The following ESR1 variants were observed in gnomAD, a reference collection of about 807,000 sequenced individuals.
The protein encoded by ESR1 is estrogen receptor 1.
A neutral mutation model predicts 52.7 loss-of-function variants in ESR1; 12 were observed. That is an observed-to-expected ratio of 0.23 (90% confidence interval 0.15 to 0.37). The LOEUF (loss-of-function observed/expected upper bound fraction) is 0.37, where lower values mean the gene tolerates loss of function less well. ESR1 is among the 10% of genes least tolerant of loss of function. ESR1 has a pLI of 1.00. For missense variants in ESR1, 584 were observed against 779.7 expected (o/e 0.75, Z 2.99); for synonymous variants, 305 against 316.8 (o/e 0.96, Z 0.39).
At chr6:152,092,541 C>G (rs950691232) in intron 6 of ESR1, among the ~76,000 whole-genome samples, 1 of 152,094 alleles carries the variant, frequency 6.6e-6, no homozygotes, top group South Asian at 2.1e-4. Flanking sequence ...GCCTTTAGCT[C>G]TTGAAGGTGC....
chr6:151,774,008 T>G (rs1219749994), intron 2 of ESR1, among the ~76,000 whole-genome samples: 1 of 137,690 alleles, frequency 7.3e-6, no homozygotes, highest in Non-Finnish European at 1.5e-5. Flanking sequence ...TGGGACATGA[T>G]GCTTTGCATG....
At chr6:152,026,844 GT>G (rs772194355) in intron 5 of ESR1, among the ~76,000 whole-genome samples, 3 of 152,020 alleles carry the variant, frequency 2.0e-5, no homozygotes, top group Non-Finnish European at 4.4e-5. Flanking sequence ...GTTAAACTTT[GT>G]AATATTAATT....
chr6:151,792,718 T>C (rs1035575232), intron 2 of ESR1, among the ~76,000 whole-genome samples: 4 of 152,186 alleles, frequency 2.6e-5, no homozygotes, highest in African/African-American at 9.7e-5. Flanking sequence ...GGATTATAGG[T>C]GTGAGCTACT....
chr6:151,756,538 TTGTC>T (rs1316292125), intron 2 of ESR1, among the ~76,000 whole-genome samples: 2 of 152,228 alleles, frequency 1.3e-5, no homozygotes, highest in Non-Finnish European at 2.9e-5. Flanking sequence ...ACCTATTTAT[TTGTC>T]TGTCTCTCTA....
At chr6:151,982,674 C>T (rs58740971) in intron 4 of ESR1, among the ~76,000 whole-genome samples, 14,092 of 151,544 alleles carry the variant, frequency 0.093, 1,382 homozygotes, top group African/African-American at 0.24. Context: ...TTAGTAGAGA[C>T]GGGGTTTCAC....
intron 3 of ESR1, among the ~76,000 whole-genome samples, chr6:151,914,763 T>C (rs1383900577): frequency 6.6e-6 from 1 of 152,228 alleles, no homozygotes; most frequent in Non-Finnish European, 1.5e-5. Flanking sequence ...TGTTGTGACA[T>C]ATAAAGCGTC....
chr6:151,874,786 C>G (rs1443764287), intron 2 of ESR1, among the ~76,000 whole-genome samples: 1 of 152,058 alleles, frequency 6.6e-6, no homozygotes, highest in Non-Finnish European at 1.5e-5. Flanking sequence ...ATACCATAGA[C>G]CTATTTTATT....
downstream of ESR1, among the ~76,000 whole-genome samples, chr6:152,104,945 T>C (rs2051044803): frequency 1.3e-5 from 2 of 152,002 alleles, no homozygotes; most frequent in Admixed American, 6.6e-5. Context: ...GCCACTGATG[T>C]AATTAATCAT....
intron 1 of ESR1, among the ~76,000 whole-genome samples, chr6:151,676,540 G>A (rs180782529): frequency 1.8e-4 from 27 of 152,256 alleles, no homozygotes; most frequent in African/African-American, 6.3e-4. Flanking sequence ...CAGTGCTCCT[G>A]TTTACTTAAT....
intron 3 of ESR1, among the ~76,000 whole-genome samples, chr6:151,935,376 A>G (rs1453741498): frequency 3.9e-5 from 6 of 152,256 alleles, no homozygotes; most frequent in Non-Finnish European, 7.3e-5. Flanking sequence ...TCAGCATGGC[A>G]TAGCAGCCAG....
intron 3 of ESR1, among the ~76,000 whole-genome samples, chr6:151,931,288 G>C (rs896892072): frequency 6.6e-6 from 1 of 151,818 alleles, no homozygotes; most frequent in Admixed American, 6.6e-5. Context: ...TTCCTTGGCC[G>C]TGTTGAATCA....
intron 2 of ESR1, among the ~76,000 whole-genome samples, chr6:151,867,675 AT>A (rs2128302208): frequency 6.6e-6 from 1 of 152,342 alleles, no homozygotes; most frequent in South Asian, 2.1e-4. Flanking sequence ...ATGTGGGGAA[AT>A]AGGAACGTTT....
intron 1 of ESR1, among the ~76,000 whole-genome samples, chr6:151,697,564 C>A (rs905452923): frequency 6.6e-6 from 1 of 152,086 alleles, no homozygotes; most frequent in South Asian, 2.1e-4. Context: ...TTTCTTTGGA[C>A]AAGATATAGA....
chr6:151,901,057 A>G (rs1050198282), intron 3 of ESR1, among the ~76,000 whole-genome samples: 1 of 152,188 alleles, frequency 6.6e-6, no homozygotes, highest in Non-Finnish European at 1.5e-5. Context: ...GGGAATGACC[A>G]TCAGGTGGGG....
chr6:151,768,163 G>A (rs1192893085), intron 2 of ESR1, among the ~76,000 whole-genome samples: 1 of 152,204 alleles, frequency 6.6e-6, no homozygotes. Flanking sequence ...AGGGAAAATA[G>A]TAACTTTACA....
intron 5 of ESR1, among the ~76,000 whole-genome samples, chr6:152,023,401 C>T (rs1319441865): frequency 6.6e-6 from 1 of 152,130 alleles, no homozygotes; most frequent in East Asian, 1.9e-4. Flanking sequence ...AATTTTGCCC[C>T]ATTGCTTAAT....
chr6:151,943,594 C>A (rs2035359882), intron 3 of ESR1, among the ~76,000 whole-genome samples: 1 of 151,982 alleles, frequency 6.6e-6, no homozygotes, highest in Non-Finnish European at 1.5e-5. Context: ...GACTTAGCAC[C>A]CCAGGGGGCC....
At chr6:152,067,039 A>G (rs577708714) in intron 6 of ESR1, among the ~76,000 whole-genome samples, 19 of 152,324 alleles carry the variant, frequency 1.2e-4, no homozygotes, top group African/African-American at 3.1e-4. Context: ...TTTTGTCACT[A>G]TGAAAGAAAT....
At position 152,061,197 on chromosome 6, in the gene ESR1, AC is replaced by A. The variant is rs1271715167; in HGVS notation, c.1369+76del. 2.1e-6 allele frequency: 3 copies of A among 1,431,428 alleles called. No individual in the cohort carries two copies. Among genetic ancestry groups the A allele is most frequent in the Non-Finnish European group, 2.9e-6 (3 of 1,017,400 alleles). 88.7% of individuals were successfully genotyped at this position (1,431,428 alleles called of 1,614,324 possible). ...TGTAGTTTTCAACCAGATACGATCT[AC>A]CCACTCCAAAGGCATAATGTCATAA... On this transcript the variant is annotated intron_variant, in intron 6 of 7. Coordinates refer to ENST00000206249, the MANE Select transcript of ESR1 (RefSeq NM_000125.4). The surrounding 1 kb of genome is among the most constrained non-coding windows in gnomAD (Gnocchi z 4.3).
Sources: gnomAD v4.1 joint callset for allele counts (sites outside exome capture counted in the v4.1 genomes callset) on GRCh38, gnomAD v4.1.1 for gene constraint, Gnocchi (gnomAD v3.1) non-coding constraint, MANE v1.5 for transcripts, NCBI Gene and HGNC (gene_info 2026-07-23, HGNC 2026-07-21) for gene names.